The following ABL1 variants were observed in gnomAD, a reference collection of about 807,000 sequenced individuals.
ABL1 encodes ABL proto-oncogene 1, non-receptor tyrosine kinase.
In ABL1, 11 loss-of-function variants were observed where a neutral mutation model predicts 94.7. The ratio of observed to expected loss-of-function variants is 0.12; its 90% CI spans 0.07 to 0.19. The LOEUF is 0.19. ABL1 is among the 10% of genes least tolerant of loss of function. ABL1 has a pLI of 1.00. For missense variants in ABL1, 1,082 were observed against 1,489.4 expected (o/e 0.73, Z 4.50); for synonymous variants, 656 against 622.4 (o/e 1.05, Z -0.80).
chr9:130,808,775 G>T (rs1830165391), intron 1 of ABL1, among the ~76,000 whole-genome samples: 1 of 152,094 alleles, frequency 6.6e-6, no homozygotes, highest in Non-Finnish European at 1.5e-5. Context: ...TTATCTAACA[G>T]GTCAAAACTG....
intron 1 of ABL1, among the ~76,000 whole-genome samples, chr9:130,763,177 T>C (rs546191185): frequency 7.1e-6 from 1 of 140,592 alleles, no homozygotes; most frequent in East Asian, 2.1e-4. Flanking sequence ...GGATAATTGC[T>C]TTTTTTTTTT....
intron 1 of ABL1, among the ~76,000 whole-genome samples, chr9:130,799,193 G>A (rs941347892): frequency 5.3e-5 from 8 of 152,178 alleles, no homozygotes; most frequent in Non-Finnish European, 1.2e-4. Context: ...TTGGAGCAGC[G>A]TTTGGCCTCT....
intron 1 of ABL1, among the ~76,000 whole-genome samples, chr9:130,801,199 G>C (rs145403723): frequency 5.5e-4 from 84 of 151,790 alleles, no homozygotes; most frequent in African/African-American, 2.0e-3. Flanking sequence ...AAAGTGCTGG[G>C]ATTATAGGCC....
In ABL1 at chr9:130,740,427, C is replaced by T. The variant is rs557391392; in HGVS notation, c.136+25972C>T. On this transcript the variant is annotated intron_variant, in intron 1 of 10. Coordinates refer to the ABL1 transcript ENST00000372348. ...CTCATGGGCAAAGATTCCAAAGGCG[C>T]CCCAGACATCATCAGCTCCTTGCTG... Among the ~76,000 whole-genome samples, 7 of 152,314 alleles carry T rather than the reference C, an allele frequency of 4.6e-5. No homozygotes were observed. In the South Asian group the frequency reaches 1.4e-3, roughly 32 times the overall value.
At position 130,863,946 on chromosome 9, in the gene ABL1, A is replaced by G. The variant is rs940632974; in HGVS notation, c.822+911A>G. Among the ~76,000 whole-genome samples, 2 of 152,182 alleles carry G rather than the reference A, an allele frequency of 1.3e-5. No homozygotes were observed. The highest frequency in any genetic ancestry group is 2.9e-5 in the Non-Finnish European group (2 of 68,036). ...GGGAAAAATAGAGTTTAGTTTGTGCATGTGTCTCAGAAGTCAGGTGCACAC... is the reference window on the plus strand; with the variant it reads ...GGGAAAAATAGAGTTTAGTTTGTGCGTGTGTCTCAGAAGTCAGGTGCACAC... On this transcript the variant is annotated intron_variant, in intron 4 of 10. Coordinates refer to ENST00000318560, the MANE Select transcript of ABL1 (RefSeq NM_005157.6). The surrounding 1 kb of genome is among the most constrained non-coding windows in gnomAD (Gnocchi z 4.3).
At chr9:130,743,103 G>A (rs1047426841) in intron 1 of ABL1, among the ~76,000 whole-genome samples, 12 of 151,974 alleles carry the variant, frequency 7.9e-5, no homozygotes, top group African/African-American at 1.5e-4. Flanking sequence ...ACAGAGTTTC[G>A]CTCTTGTTGC....
At chr9:130,786,049 A>G (rs1011575558) in intron 1 of ABL1, among the ~76,000 whole-genome samples, 2 of 151,842 alleles carry the variant, frequency 1.3e-5, no homozygotes, top group Non-Finnish European at 2.9e-5. Flanking sequence ...TATTACTTCC[A>G]TTTCCAAGAG....
chr9:130,825,411 G>A lies in ABL1; in HGVS notation c.137-28653G>A, dbSNP rs146338075. ...AAAGAGAGGAAAATATTAACCATTG[G>A]TTTACCAATTCAAAGTTAACAACAT... On this transcript the variant is annotated intron_variant, in intron 1 of 10. Coordinates refer to the ABL1 transcript ENST00000372348. Among the ~76,000 whole-genome samples, 443 of 152,206 alleles carry A rather than the reference G, an allele frequency of 2.9e-3. 2 individuals are homozygous for A. The highest frequency in any genetic ancestry group is 0.01 in the African/African-American group (431 of 41,502).
intron 1 of ABL1, among the ~76,000 whole-genome samples, chr9:130,768,970 G>A (rs550235708): frequency 2.0e-5 from 3 of 152,216 alleles, no homozygotes; most frequent in South Asian, 2.1e-4. Flanking sequence ...GAGAAAAATC[G>A]GGTCTGTAAA....
At chr9:130,864,003 T>G (rs147933601) in intron 4 of ABL1, among the ~76,000 whole-genome samples, 2 of 152,296 alleles carry the variant, frequency 1.3e-5, no homozygotes, top group African/African-American at 4.8e-5. Flanking sequence ...TGCCTGCCTT[T>G]TAGGGACTCC....
At chr9:130,829,319 G>T (rs1018270973) in intron 1 of ABL1, among the ~76,000 whole-genome samples, 5 of 152,160 alleles carry the variant, frequency 3.3e-5, no homozygotes, top group Non-Finnish European at 7.3e-5. Flanking sequence ...GCAGCACTTT[G>T]GGAGGCCGAG....
chr9:130,864,393 C>T (rs973565681), intron 4 of ABL1, among the ~76,000 whole-genome samples: 20 of 151,952 alleles, frequency 1.3e-4, no homozygotes, highest in Non-Finnish European at 1.8e-4. Context: ...TACAGGCACC[C>T]GCCACCACAC....
intron 1 of ABL1, among the ~76,000 whole-genome samples, chr9:130,756,328 AT>A (rs36023901): frequency 0.52 from 76,225 of 145,862 alleles, 20,829 homozygotes; most frequent in African/African-American, 0.72. Flanking sequence ...GGAAGTTTTA[AT>A]TTTTTTTTTT....
Position 130,822,488 on chromosome 9 carries a change from T to C in ABL1, c.137-31576T>C, listed in dbSNP as rs111832806. Among the ~76,000 whole-genome samples the C allele has an allele frequency of 7.6e-4, 114 of 149,446 alleles. 1 individual carries two copies. Among genetic ancestry groups the C allele is most frequent in the African/African-American group, 2.5e-3 (100 of 40,482 alleles). ...TAAGAGACAGGGTCTTGCTGTGTTG[T>C]TCAGGCTGGCCTCAAACTCCTGGGC... On this transcript the variant is annotated intron_variant, in intron 1 of 10. Transcript: ENST00000372348.
chr9:130,759,336 C>T (rs937867807), intron 1 of ABL1, among the ~76,000 whole-genome samples: 1 of 152,172 alleles, frequency 6.6e-6, no homozygotes, highest in South Asian at 2.1e-4. Context: ...TCAAGGCTCT[C>T]GTCTCCTTTG....
At chr9:130,869,743 A>G (rs2132988831) in intron 4 of ABL1, among the ~76,000 whole-genome samples, 1 of 152,322 alleles carries the variant, frequency 6.6e-6, no homozygotes, top group East Asian at 1.9e-4. Context: ...TTTTTTAATG[A>G]AAGTAAAGGA....
chr9:130,884,833 C>T lies in ABL1; in HGVS notation c.2543C>T (p.Ala848Val), dbSNP rs2133037691. ...KGSALGTPAA[A>V]EPVTPTSKAG... ...AGTGCCTTAGGGACCCCTGCTGCAG[C>T]TGAGCCAGTGACCCCCACCAGCAAA... Residue 848 changes from alanine (A) to valine (V), a missense_variant, in exon 11 of 11, where the codon GCT (alanine) becomes GTT (valine). By Grantham distance (64) the Ala-to-Val change is moderately conservative. Coordinates refer to ENST00000318560, the MANE Select transcript of ABL1 (RefSeq NM_005157.6). The surrounding 1 kb of genome is among the most constrained non-coding windows in gnomAD (Gnocchi z 5.6). 12 of 1,604,516 alleles carry T rather than the reference C, an allele frequency of 7.5e-6. No individual in the cohort carries two copies. Among genetic ancestry groups the T allele is most frequent in the Non-Finnish European group, 1.0e-5 (12 of 1,174,694 alleles).
intron 1 of ABL1, among the ~76,000 whole-genome samples, chr9:130,722,119 G>A (rs377083631): frequency 1.3e-5 from 2 of 151,862 alleles, no homozygotes; most frequent in South Asian, 2.1e-4. Flanking sequence ...CAGGCTGGGC[G>A]TGGTGGCTCA....
At chr9:130,877,479 A>G (rs1257718326) in intron 7 of ABL1, among the ~76,000 whole-genome samples, 1 of 147,906 alleles carries the variant, frequency 6.8e-6, no homozygotes, top group Non-Finnish European at 1.5e-5. Context: ...CTAAGAGTTA[A>G]CATGGCCAGC....
Sources: allele counts gnomAD v4.1 joint callset (sites outside exome capture counted in the v4.1 genomes callset), GRCh38; gene constraint gnomAD v4.1.1; non-coding constraint Gnocchi (gnomAD v3.1); transcripts MANE v1.5; gene names NCBI Gene and HGNC (gene_info 2026-07-23, HGNC 2026-07-21).